HK1: variants seen among roughly 807,000 people sequenced by gnomAD.
HK1 encodes the protein hexokinase-1.
HK1 carries 28 observed loss-of-function variants against 91.6 expected under a neutral mutation model. The observed-to-expected ratio is 0.31, with a 90% CI of 0.23 to 0.42. HK1 has a LOEUF of 0.42. Among genes scored for constraint, HK1 ranks in the 10% least tolerant of loss-of-function variants. The probability of loss-of-function intolerance (pLI) is 1.00; values close to 1 mark genes in which losing one functional copy is unlikely to be tolerated. For synonymous variants in HK1, 430 were observed against 468.1 expected (o/e 0.92, Z 1.05); for missense variants, 770 against 1,219.8 (o/e 0.63, Z 5.49).
At chr10:69,284,092 T>C (rs928322819) in intron 2 of HK1, among the ~76,000 whole-genome samples, 5 of 152,178 alleles carry the variant, frequency 3.3e-5, no homozygotes, top group Admixed American at 2.0e-4. Flanking sequence ...AAAATGCCTC[T>C]CTTCCCTGAG....
intron 8 of HK1, among the ~76,000 whole-genome samples, chr10:69,377,989 G>A (rs987447937): frequency 1.3e-5 from 2 of 152,232 alleles, no homozygotes; most frequent in African/African-American, 4.8e-5. Context: ...ATTTGCATCA[G>A]CTCTCTTTGA....
At chr10:69,365,942 C>T in intron 4 of HK1, among the ~76,000 whole-genome samples, 1 of 152,160 alleles carries the variant, frequency 6.6e-6, no homozygotes. Context: ...AGCAATTCTC[C>T]TGCCTTAGCC....
chr10:69,390,074 T>G (rs1327447868), intron 14 of HK1, among the ~76,000 whole-genome samples: 1 of 152,178 alleles, frequency 6.6e-6, no homozygotes, highest in Non-Finnish European at 1.5e-5. Flanking sequence ...TTGCTGAGTG[T>G]CTAGAGCTTG....
chr10:69,300,803 A>G (rs368490165), exon 5 of HK1: 5 of 1,610,984 alleles, frequency 3.1e-6, no homozygotes, highest in Non-Finnish European at 4.2e-6. Context: ...CAGCCAGGAC[A>G]TTAATGTGCA....
intron 17 of HK1, among the ~76,000 whole-genome samples, chr10:69,400,383 C>T (rs1165940812): frequency 1.3e-5 from 2 of 152,234 alleles, no homozygotes; most frequent in Non-Finnish European, 2.9e-5. Flanking sequence ...GTAGATTCAG[C>T]CTTTGTTCAG....
intron 2 of HK1, among the ~76,000 whole-genome samples, chr10:69,287,174 A>G (rs1032279590): frequency 1.3e-5 from 2 of 152,258 alleles, no homozygotes; most frequent in Non-Finnish European, 2.9e-5. Flanking sequence ...CTTACAGTTC[A>G]GCATGGCTAG....
At position 69,338,223 on chromosome 10, in the gene HK1, A is replaced by G. The variant is rs149881764; in HGVS notation, c.64-5604A>G. On this transcript the variant is annotated intron_variant, in intron 1 of 17. Transcript: ENST00000359426. ...TTGAGCAAGAGCGCCCGCCCTGTGC[A>G]GCCGGTCTGGCTACCCTCATAGGAA... 47 of 1,110,858 alleles carry G rather than the reference A, an allele frequency of 4.2e-5. No homozygotes were observed. In the East Asian group the frequency reaches 2.7e-3, roughly 65 times the overall value. The allele number at this position is 1,110,858 out of a possible 1,614,324, so 68.8% of individuals were successfully genotyped here.
At chr10:69,342,025 G>C (rs1044960605) in intron 1 of HK1, among the ~76,000 whole-genome samples, 1 of 152,092 alleles carries the variant, frequency 6.6e-6, no homozygotes, top group African/African-American at 2.4e-5. Flanking sequence ...GCGCACGCCT[G>C]TAATCCCAGC....
chr10:69,394,811 C>T (rs1564570420), intron 15 of HK1, 139 bp from the exon 16 acceptor site: 2 of 831,840 alleles, frequency 2.4e-6, no homozygotes, highest in East Asian at 5.2e-5. Flanking sequence ...GCCTCTGCGG[C>T]AGAGCACAGG....
chr10:69,384,560 G>T lies in HK1; in HGVS notation c.1719+79G>T, dbSNP rs147439289. ...GGCAGTCACGTGATGACCAAAATCC[G>T]CCACGGGGTGCCCACATGGATTTGT... On this transcript the variant is annotated intron_variant, in intron 11 of 17. Coordinates refer to ENST00000359426, the MANE Select transcript of HK1 (RefSeq NM_000188.3). The T allele has an allele frequency of 6.8e-5, 106 of 1,565,008 alleles. 1 individual carries two copies. In the African/African-American group the frequency reaches 1.1e-3, roughly 16 times the overall value.
At chr10:69,317,907 A>G (rs1263130441), upstream of HK1, 3 of 267,026 alleles carry the variant, frequency 1.1e-5, no homozygotes, top group African/African-American at 6.9e-5. Context: ...CTGTCCTGGT[A>G]GCACCTCTAG....
At chr10:69,322,031 A>G (rs1198143184) in intron 1 of HK1, among the ~76,000 whole-genome samples, 2 of 152,218 alleles carry the variant, frequency 1.3e-5, no homozygotes, top group Non-Finnish European at 2.9e-5. Context: ...GTAACTTTAA[A>G]CACGCATCTC....
intron 1 of HK1, among the ~76,000 whole-genome samples, chr10:69,340,008 G>A (rs74138363): frequency 0.032 from 4,903 of 152,276 alleles, 269 homozygotes; most frequent in African/African-American, 0.11. Flanking sequence ...TATACTGTAA[G>A]CCACAAGAGA....
At chr10:69,312,818 G>A (rs1258749084), upstream of HK1, among the ~76,000 whole-genome samples, 1 of 152,068 alleles carries the variant, frequency 6.6e-6, no homozygotes, top group Non-Finnish European at 1.5e-5. Flanking sequence ...CTGGTCTTTT[G>A]GTCTTTCCCC....
intron 10 of HK1, 96 bp from the exon 11 acceptor site, chr10:69,384,237 G>A (rs537047037): frequency 2.1e-4 from 294 of 1,430,248 alleles, no homozygotes; most frequent in Non-Finnish European, 2.8e-4. Flanking sequence ...TGTTTGCTAT[G>A]GGGTTCTCCC....
chr10:69,326,263 T>C (rs1489407727), intron 1 of HK1, among the ~76,000 whole-genome samples: 1 of 151,882 alleles, frequency 6.6e-6, no homozygotes, highest in Non-Finnish European at 1.5e-5. Context: ...ACAACTATAC[T>C]AACATATGTG....
intron 4 of HK1, among the ~76,000 whole-genome samples, chr10:69,299,644 G>A (rs1337170206): frequency 1.4e-5 from 2 of 146,346 alleles, no homozygotes; most frequent in South Asian, 4.4e-4. Context: ...GATTACAGGC[G>A]TGAGCCACCG....
intron 7 of HK1, 137 bp from the exon 8 acceptor site, chr10:69,376,797 C>T: frequency 1.8e-6 from 2 of 1,089,306 alleles, no homozygotes; most frequent in Non-Finnish European, 2.8e-6. Context: ...CACTCAAGCA[C>T]ATGGTTTTGC....
At chr10:69,282,825 A>C (rs1844811531) in intron 2 of HK1, 1 of 152,208 alleles carries the variant, frequency 6.6e-6, no homozygotes, top group Non-Finnish European at 1.5e-5. Context: ...TCTGTAAAAC[A>C]AAATGAATGA....
Sources: gnomAD v4.1 joint callset for allele counts (sites outside exome capture counted in the v4.1 genomes callset) on GRCh38, gnomAD v4.1.1 for gene constraint, MANE v1.5 for transcripts, NCBI Gene and HGNC (gene_info 2026-07-23, HGNC 2026-07-21) for gene names.